Variants in MAPKAP1 observed in about 807,000 individuals in gnomAD.
MAPKAP1 encodes the protein MAPK associated protein 1, also known as target of rapamycin complex 2 subunit MAPKAP1.
Under a neutral mutation model 65.7 loss-of-function variants are expected in MAPKAP1, and 20 were observed. The ratio of observed to expected loss-of-function variants is 0.30; its 90% CI spans 0.21 to 0.44. The LOEUF (loss-of-function observed/expected upper bound fraction) is 0.44, where lower values mean the gene tolerates loss of function less well. MAPKAP1 is among the 20% of genes least tolerant of loss of function. The pLI, the probability that MAPKAP1 is intolerant of heterozygous loss-of-function variation, is 1.00. For synonymous variants in MAPKAP1, 222 were observed against 244.3 expected, an observed-to-expected ratio of 0.91 and a Z score of 0.85; for missense variants, 423 against 648.0, an observed-to-expected ratio of 0.65 and a Z score of 3.77.
intron 1 of MAPKAP1, among the ~76,000 whole-genome samples, chr9:125,676,391 A>AAAAT (rs1230079625): frequency 6.6e-6 from 1 of 152,232 alleles, no homozygotes; most frequent in Non-Finnish European, 1.5e-5. Flanking sequence ...TTAACAATAC[A>AAAAT]TGGTAGAGGG....
At chr9:125,625,255 T>TAAAAAA (rs58671780) in intron 4 of MAPKAP1, among the ~76,000 whole-genome samples, 2 of 64,670 alleles carry the variant, frequency 3.1e-5, no homozygotes, top group African/African-American at 1.2e-4. Context: ...AATAAATAAA[T>TAAAAAA]AAAAAAAAAA....
chr9:125,463,632 T>G (rs1220446856), intron 10 of MAPKAP1, among the ~76,000 whole-genome samples: 1 of 152,172 alleles, frequency 6.6e-6, no homozygotes, highest in Non-Finnish European at 1.5e-5. Context: ...AGTTCCTATC[T>G]TGCATCCAAA....
At chr9:125,543,209 T>C (rs2133171116) in intron 6 of MAPKAP1, 41 bp from the exon 7 acceptor site, 4 of 1,364,616 alleles carry the variant, frequency 2.9e-6, no homozygotes, top group East Asian at 2.3e-5. Flanking sequence ...CCAACATTCA[T>C]CCAGAGAGAT....
intron 9 of MAPKAP1, chr9:125,478,332 T>C (rs1854185962): frequency 6.6e-6 from 1 of 152,128 alleles, no homozygotes; most frequent in Non-Finnish European, 1.5e-5. Context: ...TTTTTCTTTA[T>C]ATATATAAAT....
chr9:125,619,534 T>C (rs950498541), intron 4 of MAPKAP1, among the ~76,000 whole-genome samples: 6 of 151,868 alleles, frequency 4.0e-5, no homozygotes, highest in Admixed American at 3.3e-4. Context: ...AATATTCTTA[T>C]ATGTGTGAAA....
intron 10 of MAPKAP1, among the ~76,000 whole-genome samples, chr9:125,448,261 GAAT>G (rs1564514326): frequency 6.6e-6 from 1 of 152,140 alleles, no homozygotes; most frequent in African/African-American, 2.4e-5. Flanking sequence ...TTTCACAACA[GAAT>G]AATAGCTAAT....
intron 5 of MAPKAP1, among the ~76,000 whole-genome samples, chr9:125,564,326 T>G (rs140526159): frequency 2.0e-5 from 3 of 152,340 alleles, no homozygotes; most frequent in African/African-American, 7.2e-5. Flanking sequence ...ATAAATGTAA[T>G]GTACCAAATG....
At chr9:125,579,715 G>A (rs1831559591) in intron 5 of MAPKAP1, among the ~76,000 whole-genome samples, 1 of 152,084 alleles carries the variant, frequency 6.6e-6, no homozygotes, top group Non-Finnish European at 1.5e-5. Context: ...CCAACCCACT[G>A]GAAAAGACCA....
intron 4 of MAPKAP1, among the ~76,000 whole-genome samples, chr9:125,635,189 T>C (rs1297398544): frequency 6.6e-6 from 1 of 152,250 alleles, no homozygotes; most frequent in Non-Finnish European, 1.5e-5. Flanking sequence ...GTCCTGCTAA[T>C]CCTACCCTCT....
chr9:125,697,843 A>T (rs1486402645), intron 1 of MAPKAP1, among the ~76,000 whole-genome samples: 1 of 152,150 alleles, frequency 6.6e-6, no homozygotes, highest in Admixed American at 6.6e-5. Context: ...CTTACCACCA[A>T]TCTTTATTAT....
chr9:125,565,542 T>A, intron 5 of MAPKAP1: 1 of 184,360 alleles, frequency 5.4e-6, no homozygotes, highest in South Asian at 1.2e-4. Flanking sequence ...GATGAAAGAA[T>A]CAATATTAAT....
intron 1 of MAPKAP1, among the ~76,000 whole-genome samples, chr9:125,675,488 C>G (rs80217783): frequency 0.012 from 1,835 of 152,248 alleles, 32 homozygotes; most frequent in Middle Eastern, 0.045. Flanking sequence ...ACAAATGCCT[C>G]AACAGCAGCA....
intron 10 of MAPKAP1, among the ~76,000 whole-genome samples, chr9:125,453,674 TA>T (rs1413505343): frequency 6.6e-6 from 1 of 152,256 alleles, no homozygotes; most frequent in African/African-American, 2.4e-5. Flanking sequence ...TGGTCTGTTT[TA>T]CATTTTGAAT....
intron 1 of MAPKAP1, among the ~76,000 whole-genome samples, chr9:125,689,366 G>A (rs931925764): frequency 6.8e-6 from 1 of 146,802 alleles, no homozygotes; most frequent in Non-Finnish European, 1.5e-5. Flanking sequence ...GAACCCGGGA[G>A]GCAGAGCTTG....
At chr9:125,545,645 G>A (rs75717269) in intron 6 of MAPKAP1, among the ~76,000 whole-genome samples, 5,832 of 152,200 alleles carry the variant, frequency 0.038, 385 homozygotes, top group African/African-American at 0.13. Context: ...CAGCCAATAC[G>A]TTTATCTTTT....
chr9:125,482,765 G>A (rs1029620471), intron 9 of MAPKAP1, among the ~76,000 whole-genome samples: 31 of 152,134 alleles, frequency 2.0e-4, no homozygotes, highest in African/African-American at 7.0e-4. Context: ...CATTAGGTGA[G>A]GACTTAATGC....
Position 125,503,505 on chromosome 9 carries a change from T to A in MAPKAP1, c.1066+2805A>T, listed in dbSNP as rs529248683. 2.6e-5 allele frequency among the ~76,000 whole-genome samples: 4 copies of A among 152,326 alleles called. No individual in the cohort carries two copies. The South Asian group carries it at 8.3e-4, about 32-fold the overall frequency. Reference sequence around the variant, plus strand: ...TAGGATGACCATTTGTTTAATCAGCTTTTTAAGTTACCTTCAGTGGAAGAG... The same window carrying A: ...TAGGATGACCATTTGTTTAATCAGCATTTTAAGTTACCTTCAGTGGAAGAG... On this transcript the variant is annotated intron_variant, in intron 8 of 11. Transcript: ENST00000265960.
At chr9:125,510,117 G>A (rs1829256204) in intron 7 of MAPKAP1, among the ~76,000 whole-genome samples, 1 of 152,052 alleles carries the variant, frequency 6.6e-6, no homozygotes, top group African/African-American at 2.4e-5. Context: ...AGATATATTA[G>A]CCCCAGTTTA....
At chr9:125,523,438 C>G (rs985625483) in intron 7 of MAPKAP1, among the ~76,000 whole-genome samples, 7 of 152,166 alleles carry the variant, frequency 4.6e-5, no homozygotes, top group Non-Finnish European at 8.8e-5. Context: ...CTCAGTGATC[C>G]AATGAGCCCC....
Sources: gnomAD v4.1 joint callset for allele counts (sites outside exome capture counted in the v4.1 genomes callset) on GRCh38, gnomAD v4.1.1 for gene constraint, MANE v1.5 for transcripts, NCBI Gene and HGNC (gene_info 2026-07-23, HGNC 2026-07-21) for gene names.